Variants in UST observed in about 807,000 individuals in gnomAD.
The protein encoded by UST is chondroitin sulfate 2-O-sulfotransferase.
A neutral mutation model predicts 45.6 loss-of-function variants in UST; 21 were observed. The ratio of observed to expected loss-of-function variants is 0.46; its 90% CI spans 0.33 to 0.66. UST has a LOEUF of 0.66. UST is among the 30% of genes least tolerant of loss of function. The pLI, the probability that UST is intolerant of heterozygous loss-of-function variation, is 0.02. For missense variants in UST, 463 were observed against 512.4 expected (o/e 0.90, Z 0.93); for synonymous variants, 215 against 200.6 (o/e 1.07, Z -0.61).
chr6:148,791,316 A>C (rs1776843163), intron 1 of UST, among the ~76,000 whole-genome samples: 1 of 152,240 alleles, frequency 6.6e-6, no homozygotes, highest in South Asian at 2.1e-4. Flanking sequence ...TTGGTCACCA[A>C]GATAGAGGAG....
At chr6:148,799,127 C>G (rs1562261475) in intron 1 of UST, among the ~76,000 whole-genome samples, 1 of 152,122 alleles carries the variant, frequency 6.6e-6, no homozygotes, top group Non-Finnish European at 1.5e-5. Context: ...GCCTTGGCCT[C>G]CCAAAGTGCT....
intron 1 of UST, among the ~76,000 whole-genome samples, chr6:148,781,103 A>C (rs754765613): frequency 6.6e-6 from 1 of 152,176 alleles, no homozygotes; most frequent in Non-Finnish European, 1.5e-5. Context: ...TCTCACCTTA[A>C]ATAGAAAGCT....
At chr6:148,779,266 A>G (rs1023398653) in intron 1 of UST, among the ~76,000 whole-genome samples, 5 of 152,182 alleles carry the variant, frequency 3.3e-5, no homozygotes, top group Non-Finnish European at 5.9e-5. Flanking sequence ...TATGGAGCAA[A>G]TGAAATACAG....
intron 5 of UST, among the ~76,000 whole-genome samples, chr6:148,975,603 A>G (rs562881552): frequency 6.6e-6 from 1 of 152,264 alleles, no homozygotes; most frequent in African/African-American, 2.4e-5. Flanking sequence ...TATAATAATA[A>G]TATTATTATT....
intron 1 of UST, among the ~76,000 whole-genome samples, chr6:148,851,854 C>T (rs984020778): frequency 6.6e-6 from 1 of 152,198 alleles, no homozygotes; most frequent in Non-Finnish European, 1.5e-5. Flanking sequence ...ACTTAGAGGG[C>T]AAGTGCCGAA....
intron 1 of UST, among the ~76,000 whole-genome samples, chr6:148,865,168 G>T (rs899147243): frequency 6.6e-6 from 1 of 152,180 alleles, no homozygotes; most frequent in African/African-American, 2.4e-5. Flanking sequence ...GTTTGGTGTG[G>T]CATGTTTAAG....
rs181145843 is a variant in UST, at chr6:149,030,522, A to G, written c.937+9041A>G. ...TAAATATATAGTTTATCTCTGTCCA[A>G]CGTATCTGTCTGTTCACTAAGAAAC... On this transcript the variant is annotated intron_variant, in intron 7 of 7. Coordinates refer to ENST00000367463, the MANE Select transcript of UST (RefSeq NM_005715.3). 7.5e-3 allele frequency among the ~76,000 whole-genome samples: 1,144 copies of G among 152,198 alleles called. 17 individuals are homozygous for G. The highest frequency in any genetic ancestry group is 0.026 in the African/African-American group (1,093 of 41,532).
intron 2 of UST, among the ~76,000 whole-genome samples, chr6:148,907,059 A>G (rs1269566455): frequency 6.6e-6 from 1 of 152,222 alleles, no homozygotes; most frequent in African/African-American, 2.4e-5. Context: ...TTATGAATAT[A>G]TTTTATTTAT....
Position 149,014,004 on chromosome 6 carries a change from AAG to A in UST, c.682-5130_682-5129del, listed in dbSNP as rs201311494. 7.2e-3 allele frequency among the ~76,000 whole-genome samples: 1,098 copies of A among 152,382 alleles called. 8 individuals carry two copies. The highest frequency in any genetic ancestry group is 0.011 in the Non-Finnish European group (718 of 68,034). On this transcript the variant is annotated intron_variant, in intron 5 of 7. Coordinates refer to ENST00000367463, the MANE Select transcript of UST (RefSeq NM_005715.3). ...CTTTCTAAAATTAAAACTGAAATCC[AAG>A]AGAGGAAGCAGTTGTCTAGTTCTTG...
intron 1 of UST, among the ~76,000 whole-genome samples, chr6:148,885,707 G>A (rs1429482057): frequency 1.3e-5 from 2 of 152,156 alleles, no homozygotes; most frequent in African/African-American, 4.8e-5. Flanking sequence ...AAACCTATAA[G>A]CCAGAACCCG....
chr6:148,940,146 G>A (rs1582910466), intron 2 of UST, among the ~76,000 whole-genome samples: 1 of 152,122 alleles, frequency 6.6e-6, no homozygotes, highest in Admixed American at 6.5e-5. Flanking sequence ...AAATCACAAC[G>A]AGATACCACT....
intron 5 of UST, among the ~76,000 whole-genome samples, chr6:149,006,776 A>G (rs779450757): frequency 2.0e-5 from 3 of 152,152 alleles, no homozygotes; most frequent in Non-Finnish European, 2.9e-5. Context: ...TGACTTTTTA[A>G]TAATCGCCAT....
intron 4 of UST, 152 bp downstream of exon 4, chr6:148,954,103 T>C (rs1212769438): frequency 2.0e-6 from 1 of 488,166 alleles, no homozygotes; most frequent in Non-Finnish European, 3.5e-6. Context: ...AAATTTGAAA[T>C]ATTTGAACAG....
chr6:148,819,122 A>G (rs1777409681), intron 1 of UST, among the ~76,000 whole-genome samples: 2 of 152,234 alleles, frequency 1.3e-5, no homozygotes, highest in Non-Finnish European at 2.9e-5. Context: ...ACTTTGCATC[A>G]CAAAGGTAGG....
chr6:148,830,032 A>T (rs1777651844), intron 1 of UST, among the ~76,000 whole-genome samples: 1 of 152,218 alleles, frequency 6.6e-6, no homozygotes, highest in Non-Finnish European at 1.5e-5. Context: ...TAAAGCCTAC[A>T]ACTCCTGAAG....
chr6:149,009,265 G>T (rs1373439348), intron 5 of UST, among the ~76,000 whole-genome samples: 1 of 152,010 alleles, frequency 6.6e-6, no homozygotes, highest in Non-Finnish European at 1.5e-5. Flanking sequence ...TCTTAGAAGA[G>T]CAAAAAGACA....
At chr6:148,989,220 C>A (rs1331860637) in intron 5 of UST, among the ~76,000 whole-genome samples, 5 of 52,996 alleles carry the variant, frequency 9.4e-5, no homozygotes, top group Admixed American at 3.4e-4. Flanking sequence ...CCCCCCCCCA[C>A]CCCCCGCAAA....
intron 1 of UST, among the ~76,000 whole-genome samples, chr6:148,759,623 C>T (rs770310760): frequency 1.1e-4 from 17 of 150,310 alleles, no homozygotes; most frequent in Non-Finnish European, 2.1e-4. Context: ...CCGAGGCGGA[C>T]GGATCACAAG....
chr6:148,953,979 T>C, intron 4 of UST, 28 bp downstream of exon 4: 2 of 1,535,172 alleles, frequency 1.3e-6, no homozygotes, highest in East Asian at 2.3e-5. Context: ...TTAATGGTTC[T>C]TTCATTTTCT....
Sources: allele counts gnomAD v4.1 joint callset (sites outside exome capture counted in the v4.1 genomes callset), GRCh38; gene constraint gnomAD v4.1.1; transcripts MANE v1.5; gene names NCBI Gene and HGNC (gene_info 2026-07-23, HGNC 2026-07-21).